The following PDE1C variants were observed in gnomAD, a reference collection of about 807,000 sequenced individuals.
PDE1C encodes dual specificity calcium/calmodulin-dependent 3',5'-cyclic nucleotide phosphodiesterase 1C.
In PDE1C, 62 loss-of-function variants were observed where a neutral mutation model predicts 93.1. The observed-to-expected ratio is 0.67, with a 90% confidence interval of 0.54 to 0.82. The LOEUF (loss-of-function observed/expected upper bound fraction) is 0.82. PDE1C is among the 40% of genes least tolerant of loss of function. The pLI, the probability that PDE1C is intolerant of heterozygous loss-of-function variation, is 0.00. For synonymous variants in PDE1C, 325 were observed against 310.1 expected (o/e 1.05, Z -0.50); for missense variants, 742 against 884.6 (o/e 0.84, Z 2.04).
At chr7:31,893,037 T>C (rs1360858629) in intron 2 of PDE1C, among the ~76,000 whole-genome samples, 1 of 152,104 alleles carries the variant, frequency 6.6e-6, no homozygotes, top group Admixed American at 6.6e-5. Flanking sequence ...ATATATACAA[T>C]TATTGTCAGC....
intron 17 of PDE1C, among the ~76,000 whole-genome samples, chr7:31,757,441 C>T (rs554327580): frequency 1.1e-4 from 17 of 152,142 alleles, no homozygotes; most frequent in Non-Finnish European, 1.5e-4. Flanking sequence ...AGTTATTCTA[C>T]GAAATCACAC....
In PDE1C at chr7:31,990,391, T is replaced by G. The variant is rs1431017874; in HGVS notation, c.128+61163A>C. Among the ~76,000 whole-genome samples the G allele has an allele frequency of 3.9e-5, 6 of 152,136 alleles. No homozygotes were observed. The East Asian group carries it at 1.2e-3, about 29-fold the overall frequency. ...TTCATTCGCCTTCCGCCATGATTGTTAGGCCTCCCCAGCCATGTGGAACTG... is the reference window on the plus strand; with the variant it reads ...TTCATTCGCCTTCCGCCATGATTGTGAGGCCTCCCCAGCCATGTGGAACTG... On this transcript the variant is annotated intron_variant, in intron 2 of 17. Transcript: ENST00000396191.
intron 3 of PDE1C, among the ~76,000 whole-genome samples, chr7:32,141,583 A>G (rs1357135890): frequency 6.6e-6 from 1 of 152,198 alleles, no homozygotes; most frequent in African/African-American, 2.4e-5. Flanking sequence ...CAGAGAGATG[A>G]TATTTGACCA....
rs765067290 is a variant in PDE1C, at chr7:31,908,738, T to C, written c.129-27878A>G. Among the ~76,000 whole-genome samples the C allele has an allele frequency of 1.4e-4, 22 of 152,220 alleles. 1 individual carries two copies. The highest frequency in any genetic ancestry group is 2.4e-4 in the African/African-American group (10 of 41,464). ...AAAGTGATGGCACTCGACTCAAACA[T>C]TGCAGTGATATATGTCCACTTGGCT... On this transcript the variant is annotated intron_variant, in intron 2 of 17. Transcript: ENST00000396191.
the PDE1C span, among the ~76,000 whole-genome samples, chr7:31,654,469 T>G: frequency 2.6e-5 from 4 of 152,150 alleles, no homozygotes; most frequent in Non-Finnish European, 5.9e-5. Flanking sequence ...AGGGTCGTCA[T>G]ATAATCTGAT....
chr7:31,818,732 C>A (rs1488824473), intron 14 of PDE1C, among the ~76,000 whole-genome samples: 1 of 152,114 alleles, frequency 6.6e-6, no homozygotes, highest in African/African-American at 2.4e-5. Flanking sequence ...AGAATTCATT[C>A]ATACCCAGAA....
At chr7:31,617,080 A>G in the PDE1C span, among the ~76,000 whole-genome samples, 3 of 152,330 alleles carry the variant, frequency 2.0e-5, no homozygotes, top group East Asian at 1.9e-4. Context: ...GAGCTACCCC[A>G]AAGATGGTTG....
intron 2 of PDE1C, among the ~76,000 whole-genome samples, chr7:31,943,768 G>A (rs975074571): frequency 2.6e-5 from 4 of 151,958 alleles, no homozygotes; most frequent in Admixed American, 2.6e-4. Context: ...ATTGGATTCA[G>A]ATCAGAATTT....
the PDE1C span, among the ~76,000 whole-genome samples, chr7:31,673,820 T>C: frequency 6.6e-6 from 1 of 152,158 alleles, no homozygotes; most frequent in Non-Finnish European, 1.5e-5. Context: ...TTGATTTTGA[T>C]GAAATTATAA....
chr7:32,272,325 C>T (rs1811025265), intron 1 of PDE1C, among the ~76,000 whole-genome samples: 1 of 152,196 alleles, frequency 6.6e-6, no homozygotes, highest in African/African-American at 2.4e-5. Context: ...ACGTCTAGGA[C>T]AAACATTCCA....
intron 11 of PDE1C, among the ~76,000 whole-genome samples, 175 bp from the exon 12 acceptor site, chr7:31,828,548 T>C (rs1422861794): frequency 6.6e-6 from 1 of 152,194 alleles, no homozygotes; most frequent in Non-Finnish European, 1.5e-5. Flanking sequence ...ACCAAAAGGC[T>C]GAAGCCCTCT....
At chr7:31,898,155 C>A (rs1197589268) in intron 2 of PDE1C, among the ~76,000 whole-genome samples, 2 of 151,882 alleles carry the variant, frequency 1.3e-5, no homozygotes, top group African/African-American at 4.8e-5. Context: ...AAATACCTAT[C>A]ATTAGAAATT....
chr7:32,084,593 T>C (rs924026903), intron 3 of PDE1C, among the ~76,000 whole-genome samples: 6 of 151,892 alleles, frequency 4.0e-5, no homozygotes, highest in Admixed American at 2.6e-4. Flanking sequence ...ATTGCACACA[T>C]AGTTGGAAGT....
At chr7:31,683,036 C>A in the PDE1C span, among the ~76,000 whole-genome samples, 1 of 152,094 alleles carries the variant, frequency 6.6e-6, no homozygotes, top group Non-Finnish European at 1.5e-5. Context: ...GGAGAGATCT[C>A]TGTGGTGTTG....
chr7:31,737,209 C>A, the PDE1C span, among the ~76,000 whole-genome samples: 1 of 151,772 alleles, frequency 6.6e-6, no homozygotes, highest in Admixed American at 6.6e-5. Flanking sequence ...GAACTCCTGG[C>A]CTCAAACAAT....
chr7:31,963,138 T>A (rs999700361), intron 2 of PDE1C, among the ~76,000 whole-genome samples: 2 of 152,136 alleles, frequency 1.3e-5, no homozygotes. Context: ...ACATCATTAA[T>A]AAAAATAAAA....
chr7:31,909,789 G>A (rs76412579), intron 2 of PDE1C, among the ~76,000 whole-genome samples: 1 of 152,042 alleles, frequency 6.6e-6, no homozygotes, highest in African/African-American at 2.4e-5. Flanking sequence ...CTTTCCCAAG[G>A]TCACAAAATT....
rs557056419 is a variant in PDE1C, at chr7:32,410,193, C to T, written c.310+17629G>A. Among the ~76,000 whole-genome samples, 7 of 152,152 alleles carry T rather than the reference C, an allele frequency of 4.6e-5. No individual in the cohort carries two copies. In the South Asian group the frequency reaches 6.2e-4, roughly 14 times the overall value. ...TTTTTTAAAAACCAACCAGGGTGGGCGTGGTGACACACACCTGTAGTCCTA... is the reference window on the plus strand; with the variant it reads ...TTTTTTAAAAACCAACCAGGGTGGGTGTGGTGACACACACCTGTAGTCCTA... On this transcript the variant is annotated intron_variant, in intron 1 of 1. Coordinates refer to the PDE1C transcript ENST00000672256.
intron 3 of PDE1C, among the ~76,000 whole-genome samples, chr7:32,137,797 C>T (rs1444459072): frequency 6.6e-6 from 1 of 152,080 alleles, no homozygotes; most frequent in African/African-American, 2.4e-5. Context: ...ATTCCCCATC[C>T]CCTCCTCCTT....
Sources: allele counts gnomAD v4.1 joint callset (sites outside exome capture counted in the v4.1 genomes callset), GRCh38; gene constraint gnomAD v4.1.1; transcripts MANE v1.5; gene names NCBI Gene and HGNC (gene_info 2026-07-23, HGNC 2026-07-21).